MYPN: variants seen among roughly 807,000 people sequenced by gnomAD.
MYPN encodes sarcomeric protein myopalladin, 145 kDa (MYOP).
MYPN carries 63 observed loss-of-function variants against 129.4 expected under a neutral mutation model. That is an observed-to-expected ratio of 0.49 (90% CI 0.40 to 0.60). MYPN has a LOEUF of 0.60. Among genes scored for constraint, MYPN ranks in the 20% least tolerant of loss-of-function variants. The probability of loss-of-function intolerance (pLI) is 0.00; values close to 1 mark genes in which losing one functional copy is unlikely to be tolerated. For missense variants in MYPN, 1,596 were observed against 1,635.4 expected, an observed-to-expected ratio of 0.98 and a Z score of 0.42; for synonymous variants, 629 against 600.9, an observed-to-expected ratio of 1.05 and a Z score of -0.68.
chr10:68,176,831 C>T (rs957065210), intron 12 of MYPN, among the ~76,000 whole-genome samples: 1 of 152,208 alleles, frequency 6.6e-6, no homozygotes, highest in Non-Finnish European at 1.5e-5. Context: ...TTCTAGGATA[C>T]TCTCACATTT....
At chr10:68,170,224 AGGG>A (rs1438569854) in intron 10 of MYPN, among the ~76,000 whole-genome samples, 1 of 152,160 alleles carries the variant, frequency 6.6e-6, no homozygotes, top group Non-Finnish European at 1.5e-5. Context: ...TTCTTTTACA[AGGG>A]GGGAATTAAG....
At chr10:68,170,232 A>G (rs2043124536) in intron 10 of MYPN, among the ~76,000 whole-genome samples, 2 of 152,214 alleles carry the variant, frequency 1.3e-5, no homozygotes, top group Admixed American at 1.3e-4. Flanking sequence ...CAAGGGGGGA[A>G]TTAAGTAGAC....
At chr10:68,194,006 C>G (rs34869044) in intron 13 of MYPN, among the ~76,000 whole-genome samples, 2 of 151,512 alleles carry the variant, frequency 1.3e-5, no homozygotes, top group Non-Finnish European at 3.0e-5. Flanking sequence ...ATGAGAATAT[C>G]CACTCTCCTG....
chr10:68,126,985 T>C (rs139554498), intron 2 of MYPN, among the ~76,000 whole-genome samples: 129 of 152,304 alleles, frequency 8.5e-4, no homozygotes, highest in African/African-American at 3.0e-3. Context: ...AGTCCAGTGC[T>C]AGAGTGGAGT....
chr10:68,138,894 CTT>C (rs2042529281), intron 2 of MYPN, among the ~76,000 whole-genome samples: 1 of 152,134 alleles, frequency 6.6e-6, no homozygotes, highest in African/African-American at 2.4e-5. Context: ...TTGTACAACT[CTT>C]TATTTTGATC....
intron 14 of MYPN, 31 bp downstream of exon 14, chr10:68,194,543 A>T (rs779071967): frequency 6.2e-7 from 1 of 1,611,116 alleles, no homozygotes; most frequent in East Asian, 2.2e-5. Flanking sequence ...GCTGTGCTGC[A>T]CTCTGAGGAA....
chr10:68,129,422 C>T (rs967658060), intron 2 of MYPN, among the ~76,000 whole-genome samples: 10 of 152,172 alleles, frequency 6.6e-5, no homozygotes, highest in African/African-American at 2.4e-4. Context: ...ATGTTACACA[C>T]AACTCTAAAC....
intron 12 of MYPN, among the ~76,000 whole-genome samples, chr10:68,179,001 T>A (rs996859132): frequency 1.3e-5 from 2 of 152,076 alleles, no homozygotes; most frequent in African/African-American, 4.8e-5. Context: ...ATGTTTCTTT[T>A]AAACTATCTG....
chr10:68,164,619 T>C (rs1378838089), intron 8 of MYPN, among the ~76,000 whole-genome samples: 4 of 152,254 alleles, frequency 2.6e-5, no homozygotes. Flanking sequence ...TTGTTTTTAA[T>C]GTCAGTTCAA....
intron 6 of MYPN, among the ~76,000 whole-genome samples, chr10:68,152,424 C>T (rs917227366): frequency 3.3e-5 from 5 of 151,800 alleles, no homozygotes; most frequent in African/African-American, 9.7e-5. Context: ...AGCGGGTGTG[C>T]GCTAAGAATT....
In MYPN at chr10:68,211,034, G is replaced by A. The variant is rs1355850564; in HGVS notation, c.*579G>A. 4.4e-6 allele frequency: 2 copies of A among 453,958 alleles called. No homozygotes were observed. The highest frequency in any genetic ancestry group is 4.0e-5 in the African/African-American group (2 of 49,992). The allele number at this position is 453,958 out of a possible 1,614,324, so 28.1% of individuals were successfully genotyped here. A position where few individuals can be genotyped will look rare whatever the true frequency, so the allele number is the denominator to read the frequency against. Reference sequence around the variant, plus strand: ...GATTTGCATATCCTGGGTGTACTGAGCCACATAATAAGGTGTCAAAATGTG... The same window carrying A: ...GATTTGCATATCCTGGGTGTACTGAACCACATAATAAGGTGTCAAAATGTG... On this transcript the variant is annotated 3_prime_UTR_variant, in exon 20 of 20. Transcript: ENST00000358913.
At position 68,132,002 on chromosome 10, in the gene MYPN, T is replaced by C. The variant is rs115830132; in HGVS notation, c.902+9662T>C. On this transcript the variant is annotated intron_variant, in intron 2 of 19. Coordinates refer to ENST00000358913, the MANE Select transcript of MYPN (RefSeq NM_032578.4). Reference sequence around the variant, plus strand: ...TCTTCCTTTATAATCCTCTATTTCGTATTTCATTATTTTTGCTGTTTTGAG... The same window carrying C: ...TCTTCCTTTATAATCCTCTATTTCGCATTTCATTATTTTTGCTGTTTTGAG... 2.6e-3 allele frequency among the ~76,000 whole-genome samples: 394 copies of C among 152,320 alleles called. 4 individuals are homozygous for C. The highest frequency in any genetic ancestry group is 9.2e-3 in the African/African-American group (382 of 41,578).
At chr10:68,121,405 T>A (rs754809921) in intron 1 of MYPN, 33 bp from the exon 2 acceptor site, 1 of 1,595,024 alleles carries the variant, frequency 6.3e-7, no homozygotes, top group Non-Finnish European at 8.5e-7. Flanking sequence ...CTAGAAATGA[T>A]CCAAACTTTT....
chr10:68,118,004 C>G (rs1187098819), intron 1 of MYPN, among the ~76,000 whole-genome samples: 1 of 151,998 alleles, frequency 6.6e-6, no homozygotes, highest in African/African-American at 2.4e-5. Flanking sequence ...CCAGTTCTAT[C>G]TAATGCCAAA....
intron 1 of MYPN, among the ~76,000 whole-genome samples, chr10:68,121,224 G>A (rs2042236057): frequency 6.6e-6 from 1 of 152,214 alleles, no homozygotes; most frequent in South Asian, 2.1e-4. Context: ...GTTGCAGTGA[G>A]CCGAGATTGC....
At position 68,211,828 on chromosome 10, in the gene MYPN, G is replaced by A. The variant is rs881975; in HGVS notation, c.*1373G>A. Reference sequence around the variant, plus strand: ...CACAGCACAGTTTGCTCTAGGCTGTGCAGGGAAATGAATTGCAGGTGTCTG... The same window carrying A: ...CACAGCACAGTTTGCTCTAGGCTGTACAGGGAAATGAATTGCAGGTGTCTG... On this transcript the variant is annotated 3_prime_UTR_variant, in exon 20 of 20. Transcript: ENST00000358913. The A allele has an allele frequency of 0.34, 152,148 of 453,910 alleles. 27,156 individuals are homozygous for A. Among genetic ancestry groups the A allele is most frequent in the East Asian group, 0.66 (9,541 of 14,394 alleles). The allele number at this position is 453,910 out of a possible 1,614,324, so 28.1% of individuals were successfully genotyped here. A position where few individuals can be genotyped will look rare whatever the true frequency, so the allele number is the denominator to read the frequency against.
Position 68,211,868 on chromosome 10 carries a change from T to A in MYPN, c.*1413T>A. 1 of 452,972 alleles carries A rather than the reference T, an allele frequency of 2.2e-6. No homozygotes were observed. The allele number at this position is 452,972 out of a possible 1,614,324, so 28.1% of individuals were successfully genotyped here. A position where few individuals can be genotyped will look rare whatever the true frequency, so the allele number is the denominator to read the frequency against. ...GCAGGTGTCTGTTTTCAATTCCCTG[T>A]GCTGGAATCCCTGGTGCTGTCTGTG... On this transcript the variant is annotated 3_prime_UTR_variant, in exon 20 of 20. Coordinates refer to ENST00000358913, the MANE Select transcript of MYPN (RefSeq NM_032578.4).
At chr10:68,092,551 T>G (rs2041936064) in intron 1 of MYPN, among the ~76,000 whole-genome samples, 1 of 152,026 alleles carries the variant, frequency 6.6e-6, no homozygotes, top group Non-Finnish European at 1.5e-5. Context: ...TTACAAGCAG[T>G]TCTTGATGAA....
chr10:68,109,730 T>A lies in MYPN; in HGVS notation c.-2+7T>A, dbSNP rs1014019248. 2.2e-6 allele frequency: 1 copy of A among 452,982 alleles called. No homozygotes were observed. Among genetic ancestry groups the A allele is most frequent in the South Asian group, 1.6e-5 (1 of 64,324 alleles). The allele number at this position is 452,982 out of a possible 1,614,324, so 28.1% of individuals were successfully genotyped here. ...GTCAACTAAAAAAAGAAAGGTAATATCCAGATTTAAGTTCACAAGTGTGTT... is the reference window on the plus strand; with the variant it reads ...GTCAACTAAAAAAAGAAAGGTAATAACCAGATTTAAGTTCACAAGTGTGTT... On this transcript the variant is annotated splice_region_variant and intron_variant, in intron 1 of 19. Transcript: ENST00000358913.
Sources: allele counts gnomAD v4.1 joint callset (sites outside exome capture counted in the v4.1 genomes callset), GRCh38; gene constraint gnomAD v4.1.1; transcripts MANE v1.5; gene names NCBI Gene and HGNC (gene_info 2026-07-23, HGNC 2026-07-21).